The following ANXA8 variants were observed in gnomAD, a reference collection of about 807,000 sequenced individuals.
The protein encoded by ANXA8 is VAC-beta.
ANXA8 carries 9 observed loss-of-function variants against 26.8 expected under a neutral mutation model. The ratio of observed to expected loss-of-function variants is 0.34; its 90% confidence interval spans 0.20 to 0.59. The LOEUF (loss-of-function observed/expected upper bound fraction) is 0.59, where lower values mean the gene tolerates loss of function less well. ANXA8 is among the 20% of genes least tolerant of loss of function. The pLI is 0.84. For missense variants in ANXA8, 83 were observed against 238.5 expected (o/e 0.35, Z 4.29); for synonymous variants, 39 against 94.8 (o/e 0.41, Z 3.42).
At chr10:47,724,393 G>T in the ANXA8 span, among the ~76,000 whole-genome samples, 2 of 141,316 alleles carry the variant, frequency 1.4e-5, 1 homozygote, top group Non-Finnish European at 3.1e-5. Context: ...CCTTGTGCTT[G>T]TTTCCTCTGC....
At chr10:47,675,603 C>A in the ANXA8 span, among the ~76,000 whole-genome samples, 368 of 151,776 alleles carry the variant, frequency 2.4e-3, 2 homozygotes, top group African/African-American at 8.5e-3. Context: ...GACTCAGACT[C>A]CCTTCTAGTG....
At chr10:47,656,678 C>T in the ANXA8 span, among the ~76,000 whole-genome samples, 1 of 136,612 alleles carries the variant, frequency 7.3e-6, no homozygotes, top group African/African-American at 2.9e-5. Context: ...TGTTCTAAGG[C>T]TCCCACATGC....
the ANXA8 span, among the ~76,000 whole-genome samples, chr10:47,625,870 T>C: frequency 1.9e-4 from 29 of 151,022 alleles, no homozygotes; most frequent in South Asian, 4.8e-3. Flanking sequence ...CCGACATCTC[T>C]GCAATTTCCC....
At chr10:47,730,827 T>TA in the ANXA8 span, among the ~76,000 whole-genome samples, 4 of 148,542 alleles carry the variant, frequency 2.7e-5, no homozygotes, top group Admixed American at 2.0e-4. Context: ...TATCCCTACC[T>TA]AAAAAACCGT....
At chr10:47,557,749 T>C in the ANXA8 span, among the ~76,000 whole-genome samples, 2 of 149,994 alleles carry the variant, frequency 1.3e-5, no homozygotes, top group Non-Finnish European at 3.0e-5. Flanking sequence ...ATTTGGATTT[T>C]CATAAATGTT....
At chr10:47,900,930 A>T in the ANXA8 span, among the ~76,000 whole-genome samples, 2 of 3,094 alleles carry the variant, frequency 6.5e-4, no homozygotes, top group African/African-American at 0.011. Context: ...TCCTGGTTAC[A>T]ATGGTACAAT....
the ANXA8 span, among the ~76,000 whole-genome samples, chr10:47,490,613 T>C: frequency 4.0e-5 from 6 of 150,882 alleles, no homozygotes; most frequent in Non-Finnish European, 8.8e-5. Flanking sequence ...CCAGCAAGTC[T>C]AGCAAGCCCT....
the ANXA8 span, among the ~76,000 whole-genome samples, chr10:47,597,665 G>GGA: frequency 7.1e-3 from 811 of 114,356 alleles, 8 homozygotes; most frequent in African/African-American, 0.029. Context: ...AAGAGCCACA[G>GGA]AAAAAAAAAA....
At chr10:47,659,172 T>C in the ANXA8 span, among the ~76,000 whole-genome samples, 1 of 151,692 alleles carries the variant, frequency 6.6e-6, no homozygotes, top group African/African-American at 2.4e-5. Context: ...CACCCGGCTG[T>C]GTTGAAGTTT....
At chr10:47,645,368 A>G in the ANXA8 span, among the ~76,000 whole-genome samples, 2 of 148,242 alleles carry the variant, frequency 1.3e-5, no homozygotes, top group Non-Finnish European at 3.0e-5. Context: ...TTGTCGTCTC[A>G]GTTAACACAA....
At chr10:47,528,357 C>T in the ANXA8 span, among the ~76,000 whole-genome samples, 2 of 131,716 alleles carry the variant, frequency 1.5e-5, no homozygotes, top group African/African-American at 2.9e-5. Flanking sequence ...GGATTACAGG[C>T]GTGAGCCACT....
At chr10:47,775,837 G>T in the ANXA8 span, among the ~76,000 whole-genome samples, 1 of 150,020 alleles carries the variant, frequency 6.7e-6, no homozygotes, top group Admixed American at 6.7e-5. Context: ...CCTGACTCAG[G>T]CTCTGAATCA....
chr10:47,571,069 A>G, the ANXA8 span, among the ~76,000 whole-genome samples: 1 of 146,606 alleles, frequency 6.8e-6, no homozygotes, highest in Admixed American at 6.8e-5. Context: ...AATTGAAGTC[A>G]TGTTCAGCCT....
chr10:47,894,673 C>A, the ANXA8 span, among the ~76,000 whole-genome samples: 6 of 151,944 alleles, frequency 3.9e-5, no homozygotes, highest in Middle Eastern at 3.4e-3. Context: ...CCCCCACACA[C>A]CACACACATC....
chr10:47,614,624 TTC>T, the ANXA8 span, among the ~76,000 whole-genome samples: 3 of 67,044 alleles, frequency 4.5e-5, 1 homozygote, highest in African/African-American at 1.3e-4. Flanking sequence ...TTCTCCTTAT[TTC>T]TTCAGACTTA....
chr10:47,572,786 T>C, the ANXA8 span, among the ~76,000 whole-genome samples: 1 of 149,666 alleles, frequency 6.7e-6, no homozygotes, highest in Admixed American at 6.7e-5. Context: ...AATCTGTGCA[T>C]CCCAATACAT....
At chr10:47,653,033 C>T in the ANXA8 span, among the ~76,000 whole-genome samples, 5 of 151,336 alleles carry the variant, frequency 3.3e-5, no homozygotes, top group East Asian at 5.8e-4. Context: ...CAGTCAAGCC[C>T]GTGTGCAGTG....
the ANXA8 span, among the ~76,000 whole-genome samples, chr10:47,669,078 G>A: frequency 6.5e-4 from 99 of 151,754 alleles, no homozygotes; most frequent in Non-Finnish European, 1.2e-3. Context: ...AGCCTCCCCC[G>A]CACCAATGTG....
the ANXA8 span, among the ~76,000 whole-genome samples, chr10:47,944,916 G>C: frequency 1.4e-5 from 2 of 142,886 alleles, no homozygotes; most frequent in Admixed American, 7.4e-5. Context: ...TCCTTCTCCT[G>C]CAGCCCCATC....
Sources: gnomAD v4.1 joint callset for allele counts (sites outside exome capture counted in the v4.1 genomes callset) on GRCh38, gnomAD v4.1.1 for gene constraint, MANE v1.5 for transcripts, NCBI Gene and HGNC (gene_info 2026-07-23, HGNC 2026-07-21) for gene names.